ATP5F1C: variants seen among roughly 807,000 people sequenced by gnomAD.
ATP5F1C encodes ATP synthase F(1) complex subunit gamma, mitochondrial.
A neutral mutation model predicts 37.4 loss-of-function variants in ATP5F1C; 22 were observed. The observed-to-expected ratio is 0.59, with a 90% CI of 0.42 to 0.84. The LOEUF (loss-of-function observed/expected upper bound fraction) is 0.84. ATP5F1C is among the 40% of genes least tolerant of loss of function. ATP5F1C has a pLI of 0.00. For missense variants in ATP5F1C, 286 were observed against 362.4 expected, an observed-to-expected ratio of 0.79 and a Z score of 1.71; for synonymous variants, 121 against 128.0, an observed-to-expected ratio of 0.95 and a Z score of 0.37.
chr10:7,793,401 C>T (rs936752708), intron 1 of ATP5F1C, among the ~76,000 whole-genome samples: 2 of 152,198 alleles, frequency 1.3e-5, no homozygotes, highest in Non-Finnish European at 2.9e-5. Context: ...CGTGAGCCAC[C>T]GCACCTGGCC....
rs1836231622 is a variant in ATP5F1C, at chr10:7,796,054, A to G, written c.57-67A>G. ...CTTTAAATAAATATATATTAACTGA[A>G]AGTTTTTCTTGTATAATGGAACTAT... On this transcript the variant is annotated intron_variant, in intron 1 of 9. Coordinates refer to ENST00000356708, the MANE Select transcript of ATP5F1C (RefSeq NM_001001973.3). The G allele has an allele frequency of 4.0e-6, 5 of 1,239,088 alleles. No individual in the cohort carries two copies. In the Admixed American group the frequency reaches 1.1e-4, roughly 28 times the overall value. The allele number at this position is 1,239,088 out of a possible 1,614,324, so 76.8% of individuals were successfully genotyped here.
intron 6 of ATP5F1C, among the ~76,000 whole-genome samples, 194 bp from the exon 7 acceptor site, chr10:7,802,076 A>T (rs967306560): frequency 2.0e-5 from 3 of 152,230 alleles, no homozygotes; most frequent in Non-Finnish European, 4.4e-5. Context: ...TTATTTACAC[A>T]TTATATTTTG....
chr10:7,794,477 T>C (rs1223396674), intron 1 of ATP5F1C, among the ~76,000 whole-genome samples: 2 of 143,622 alleles, frequency 1.4e-5, no homozygotes, highest in African/African-American at 5.1e-5. Flanking sequence ...GCCTCTCCCA[T>C]TAAATCAGAG....
At chr10:7,796,345 C>T (rs1413450667) in intron 2 of ATP5F1C, 190 bp downstream of exon 2, 2 of 468,368 alleles carry the variant, frequency 4.3e-6, no homozygotes, top group African/African-American at 4.0e-5. Flanking sequence ...CCTGAGACAG[C>T]TATGTTCTGT....
At chr10:7,791,994 C>A (rs1006457374) in intron 1 of ATP5F1C, among the ~76,000 whole-genome samples, 1 of 152,162 alleles carries the variant, frequency 6.6e-6, no homozygotes, top group Non-Finnish European at 1.5e-5. Flanking sequence ...TATTCTCTGA[C>A]TAGAAACTTG....
intron 8 of ATP5F1C, among the ~76,000 whole-genome samples, chr10:7,805,564 G>T (rs184285187): frequency 6.6e-6 from 1 of 151,930 alleles, no homozygotes; most frequent in Non-Finnish European, 1.5e-5. Flanking sequence ...TGGCTAACTC[G>T]GTGAAACCCC....
rs1564333099 is a variant in ATP5F1C at position 7,799,820 on chromosome 10, G to A, written c.477G>A (p.Lys159=). 5.0e-6 allele frequency: 8 copies of A among 1,614,048 alleles called. No individual in the cohort carries two copies. Among genetic ancestry groups the A allele is most frequent in the Non-Finnish European group, 6.8e-6 (8 of 1,180,026 alleles). ...TGGCATTCAAAGAAGTGGGAAGAAA[G>A]CCCCCCACTTTTGGAGATGCGTCAG... The part of the protein sequence containing the change: ...FLVAFKEVGR[K]PPTFGDASVI... Residue 159 remains lysine (K), a synonymous_variant, in exon 5 of 10, where the codon AAG becomes AAA. Transcript: ENST00000356708.
chr10:7,804,111 G>A, intron 8 of ATP5F1C: 2 of 518,950 alleles, frequency 3.9e-6, no homozygotes, highest in Non-Finnish European at 7.7e-6. Flanking sequence ...GCTAAACTGT[G>A]GCCTGGAGCT....
intron 1 of ATP5F1C, among the ~76,000 whole-genome samples, chr10:7,794,705 G>A (rs755100961): frequency 6.6e-6 from 1 of 152,006 alleles, no homozygotes; most frequent in Non-Finnish European, 1.5e-5. Flanking sequence ...TAAATCCCAC[G>A]TAGTGATGGT....
intron 7 of ATP5F1C, 72 bp downstream of exon 7, chr10:7,802,497 C>T (rs191038924): frequency 4.7e-5 from 71 of 1,523,810 alleles, no homozygotes; most frequent in Non-Finnish European, 6.1e-5. Flanking sequence ...TGAGAGGAGT[C>T]CGTGGCCGAG....
At chr10:7,800,187 T>C in intron 6 of ATP5F1C, 96 bp downstream of exon 6, 1 of 1,252,900 alleles carries the variant, frequency 8.0e-7, no homozygotes, top group Non-Finnish European at 1.1e-6. Flanking sequence ...GTGGTAGCTA[T>C]AGCAAATGAT....
intron 9 of ATP5F1C, among the ~76,000 whole-genome samples, chr10:7,807,436 A>C (rs1836504508): frequency 6.6e-6 from 1 of 152,180 alleles, no homozygotes; most frequent in Admixed American, 6.5e-5. Flanking sequence ...CGAGAATGAG[A>C]ATATAACAGG....
intron 3 of ATP5F1C, among the ~76,000 whole-genome samples, chr10:7,798,780 C>T (rs1001021328): frequency 1.3e-5 from 2 of 152,182 alleles, no homozygotes; most frequent in East Asian, 1.9e-4. Flanking sequence ...ATCCGCCCAC[C>T]TCGGCCTCCC....
chr10:7,804,224 A>C, intron 8 of ATP5F1C: 1 of 518,734 alleles, frequency 1.9e-6, no homozygotes, highest in South Asian at 1.4e-5. Context: ...TCACCGAAAA[A>C]ATTTGCCTAT....
At chr10:7,788,606 C>G (rs1270015996) in intron 1 of ATP5F1C, among the ~76,000 whole-genome samples, 2 of 152,206 alleles carry the variant, frequency 1.3e-5, no homozygotes, top group East Asian at 1.9e-4. Flanking sequence ...ACTTCCACTG[C>G]AAGCCAGGCC....
At chr10:7,798,955 A>T in intron 3 of ATP5F1C, 35 bp from the exon 4 acceptor site, 1 of 1,567,696 alleles carries the variant, frequency 6.4e-7, no homozygotes. Context: ...AGTGTATTGC[A>T]TATAAAAAAA....
chr10:7,794,410 A>C (rs900150149), intron 1 of ATP5F1C, among the ~76,000 whole-genome samples: 2 of 152,136 alleles, frequency 1.3e-5, no homozygotes, highest in Non-Finnish European at 2.9e-5. Flanking sequence ...ATACTGAAGA[A>C]GAGTGATGAG....
At chr10:7,798,881 C>T (rs1836293602) in intron 3 of ATP5F1C, 109 bp from the exon 4 acceptor site, 1 of 1,085,784 alleles carries the variant, frequency 9.2e-7, no homozygotes. Context: ...CAGTTGCCAG[C>T]TAAATTTAAA....
At position 7,796,118 on chromosome 10, in the gene ATP5F1C, C is replaced by A; in HGVS notation, c.57-3C>A. 6.3e-7 allele frequency: 1 copy of A among 1,589,724 alleles called. No individual in the cohort carries two copies. Among genetic ancestry groups the A allele is most frequent in the South Asian group, 1.2e-5 (1 of 85,306 alleles). ...GAAACATTTTTAAAACTTTTATCCT[C>A]AGGATTCAAGTTCGAAATATGGCAA... is the stretch of plus-strand genomic sequence containing the variant. On this transcript the variant is annotated splice_polypyrimidine_tract_variant and splice_region_variant and intron_variant, in intron 1 of 9. Transcript: ENST00000356708.
Sources: gnomAD v4.1 joint callset for allele counts (sites outside exome capture counted in the v4.1 genomes callset) on GRCh38, gnomAD v4.1.1 for gene constraint, MANE v1.5 for transcripts, NCBI Gene and HGNC (gene_info 2026-07-23, HGNC 2026-07-21) for gene names.